The following IQCH variants were observed in gnomAD, a reference collection of about 807,000 sequenced individuals.
IQCH encodes the protein IQ domain-containing protein H.
IQCH carries 98 observed loss-of-function variants against 117.0 expected under a neutral mutation model. That is an observed-to-expected ratio of 0.84 (90% confidence interval 0.71 to 0.99). The LOEUF (loss-of-function observed/expected upper bound fraction) is 0.99, where lower values mean the gene tolerates loss of function less well. Among genes scored for constraint, IQCH ranks in the 50% least tolerant of loss-of-function variants. The pLI is 0.00. For synonymous variants in IQCH, 412 were observed against 448.2 expected, an observed-to-expected ratio of 0.92 and a Z score of 1.02; for missense variants, 1,102 against 1,243.8, an observed-to-expected ratio of 0.89 and a Z score of 1.72.
chr15:67,421,260 C>T, intron 15 of IQCH, 31 bp from the exon 16 acceptor site: 1 of 1,590,016 alleles, frequency 6.3e-7, no homozygotes, highest in Non-Finnish European at 8.6e-7. Context: ...ATGCATGTGT[C>T]CTTTCACCTA....
chr15:67,362,540 G>T (rs1970180006), intron 8 of IQCH, among the ~76,000 whole-genome samples: 1 of 152,160 alleles, frequency 6.6e-6, no homozygotes. Context: ...TGAGTCAGCT[G>T]AACTGTTTTA....
intron 20 of IQCH, among the ~76,000 whole-genome samples, chr15:67,495,783 A>G (rs1437514161): frequency 6.6e-6 from 1 of 152,188 alleles, no homozygotes; most frequent in Non-Finnish European, 1.5e-5. Flanking sequence ...GGTAGCTTTT[A>G]ATTATGTCAT....
intron 6 of IQCH, among the ~76,000 whole-genome samples, chr15:67,348,355 TCA>T (rs56134528): frequency 0.021 from 3,093 of 147,712 alleles, 42 homozygotes; most frequent in Non-Finnish European, 0.025. Context: ...TCGCAAGCCA[TCA>T]CACACACACA....
rs1046722385 is a variant in IQCH, at chr15:67,279,303, A to G, written c.270-92A>G. On this transcript the variant is annotated intron_variant, in intron 3 of 20. Coordinates refer to ENST00000335894, the MANE Select transcript of IQCH (RefSeq NM_001031715.3). The stretch of plus-strand genomic sequence containing the variant: ...CAATAGAATATTTCCTATAAAATAT[A>G]AGCTTAATTAGGAAGCATTGTTTTA... The G allele has an allele frequency of 3.7e-5, 25 of 679,216 alleles. 1 individual carries two copies. In the African/African-American group the frequency reaches 4.2e-4, roughly 12 times the overall value. 42.1% of individuals were successfully genotyped at this position (679,216 alleles called of 1,614,324 possible). A position where few individuals can be genotyped will look rare whatever the true frequency, so the allele number is the denominator to read the frequency against.
At chr15:67,278,577 A>G (rs1404889573) in intron 3 of IQCH, among the ~76,000 whole-genome samples, 2 of 152,222 alleles carry the variant, frequency 1.3e-5, no homozygotes, top group African/African-American at 4.8e-5. Flanking sequence ...CAATTCTCTG[A>G]TAGATATAAG....
At position 67,447,237 on chromosome 15, in the gene IQCH, C is replaced by A. The variant is rs1359866423; in HGVS notation, c.2506-17890C>A. On this transcript the variant is annotated intron_variant, in intron 16 of 20. Transcript: ENST00000335894. The surrounding 1 kb of genome is among the most constrained non-coding windows in gnomAD (Gnocchi z 5.3). Reference sequence around the variant, plus strand: ...ACCACAGTGCCTTGCACTTAATAGGCCCTTAATCTACATCAGTGTCCCTTC... The same window carrying A: ...ACCACAGTGCCTTGCACTTAATAGGACCTTAATCTACATCAGTGTCCCTTC... Among the ~76,000 whole-genome samples, 2 of 152,172 alleles carry A rather than the reference C, an allele frequency of 1.3e-5. No individual in the cohort carries two copies. The highest frequency in any genetic ancestry group is 2.9e-5 in the Non-Finnish European group (2 of 68,028).
chr15:67,357,560 T>G, intron 7 of IQCH, 139 bp downstream of exon 7: 1 of 665,226 alleles, frequency 1.5e-6, no homozygotes, highest in South Asian at 1.8e-5. Context: ...TGGTATGCAT[T>G]TGACTTTCAA....
intron 5 of IQCH, 55 bp from the exon 6 acceptor site, chr15:67,344,008 G>C (rs2140683996): frequency 6.6e-7 from 1 of 1,520,176 alleles, no homozygotes; most frequent in Non-Finnish European, 9.0e-7. Flanking sequence ...ATAGAGCTCA[G>C]ACTTTGTGGA....
At chr15:67,323,896 G>T (rs1255900722) in intron 4 of IQCH, among the ~76,000 whole-genome samples, 1 of 149,870 alleles carries the variant, frequency 6.7e-6, no homozygotes. Context: ...GTTGTCATCT[G>T]AAGTCATTTT....
rs767783027 is a variant in IQCH, at chr15:67,421,397, G to A, written c.2325G>A (p.Gln775=). The part of the protein sequence containing the change: ...GKISVLSTGD[Q]LHAESPFISS... Reference sequence around the variant, plus strand: ...TCAGCGTGCTGTCGACAGGGGACCAGCTTCATGCTGAAAGCCCCTTCATCT... The same window carrying A: ...TCAGCGTGCTGTCGACAGGGGACCAACTTCATGCTGAAAGCCCCTTCATCT... The change falls in exon 16 of 21, where the codon CAG becomes CAA. Residue 775 remains glutamine (Q), a synonymous_variant. Coordinates refer to ENST00000335894, the MANE Select transcript of IQCH (RefSeq NM_001031715.3). 9 of 1,614,072 alleles carry A rather than the reference G, an allele frequency of 5.6e-6. No individual in the cohort carries two copies. The highest frequency in any genetic ancestry group is 3.3e-5 in the South Asian group (3 of 91,090).
chr15:67,278,700 A>T (rs1379242408), intron 3 of IQCH, among the ~76,000 whole-genome samples: 1 of 152,176 alleles, frequency 6.6e-6, no homozygotes, highest in East Asian at 1.9e-4. Flanking sequence ...TTTAATGATA[A>T]TTTTGCAAAA....
At chr15:67,409,820 TTA>T (rs2081399822) in intron 14 of IQCH, among the ~76,000 whole-genome samples, 3 of 152,230 alleles carry the variant, frequency 2.0e-5, no homozygotes, top group Admixed American at 2.0e-4. Context: ...CTGTTTTACA[TTA>T]TGTTACCTTC....
intron 10 of IQCH, chr15:67,373,666 T>A (rs1178613646): frequency 1.6e-6 from 1 of 611,756 alleles, no homozygotes; most frequent in African/African-American, 1.9e-5. Context: ...GAGAGGTGAT[T>A]TGCTGTAATT....
At chr15:67,437,856 G>C (rs1209613137) in intron 16 of IQCH, among the ~76,000 whole-genome samples, 1 of 152,056 alleles carries the variant, frequency 6.6e-6, no homozygotes, top group Admixed American at 6.6e-5. Context: ...AAAGAAAAAA[G>C]AATAAGAAAA....
chr15:67,258,311 C>T (rs1017694511), intron 1 of IQCH, among the ~76,000 whole-genome samples: 28 of 151,620 alleles, frequency 1.8e-4, no homozygotes, highest in Admixed American at 2.0e-4. Flanking sequence ...GGGAGAATCA[C>T]CTGAGGTCAG....
rs1969886116 is a variant in IQCH at position 67,356,252 on chromosome 15, G to T, written c.638-1093G>T. ...TAAAATGGGGTCTTCATACACTACT[G>T]GCCAGGGGATAGTGAGGACTACAAG... On this transcript the variant is annotated intron_variant, in intron 6 of 20. Coordinates refer to ENST00000335894, the MANE Select transcript of IQCH (RefSeq NM_001031715.3). This position sits in a 1 kb window ranked among gnomAD's most constrained non-coding sequence, Gnocchi z 5.3. Among the ~76,000 whole-genome samples the T allele has an allele frequency of 6.6e-6, 1 of 152,142 alleles. No homozygotes were observed. The highest frequency in any genetic ancestry group is 2.4e-5 in the African/African-American group (1 of 41,410).
intron 17 of IQCH, among the ~76,000 whole-genome samples, chr15:67,468,869 A>G (rs2082999964): frequency 6.6e-6 from 1 of 152,230 alleles, no homozygotes; most frequent in South Asian, 2.1e-4. Context: ...GCAGAGATTT[A>G]TTACATAAGG....
intron 20 of IQCH, among the ~76,000 whole-genome samples, chr15:67,497,868 A>C (rs2083865965): frequency 6.6e-6 from 1 of 152,198 alleles, no homozygotes; most frequent in African/African-American, 2.4e-5. Context: ...AAGAAGACCT[A>C]AATAAACAGA....
At chr15:67,277,843 GTTT>G (rs1966194038) in intron 3 of IQCH, among the ~76,000 whole-genome samples, 1 of 152,054 alleles carries the variant, frequency 6.6e-6, no homozygotes, top group Admixed American at 6.6e-5. Context: ...CAGTATCTTT[GTTT>G]TTATCACCCC....
Sources: allele counts gnomAD v4.1 joint callset (sites outside exome capture counted in the v4.1 genomes callset), GRCh38; gene constraint gnomAD v4.1.1; non-coding constraint Gnocchi (gnomAD v3.1); transcripts MANE v1.5; gene names NCBI Gene and HGNC (gene_info 2026-07-23, HGNC 2026-07-21).